The following BNC1 variants were observed in gnomAD, a reference collection of about 807,000 sequenced individuals.
BNC1 encodes the protein zinc finger protein basonuclin-1.
BNC1 carries 8 observed loss-of-function variants against 66.5 expected under a neutral mutation model. The ratio of observed to expected loss-of-function variants is 0.12; its 90% CI spans 0.07 to 0.22. The LOEUF (loss-of-function observed/expected upper bound fraction) is 0.22. Among genes scored for constraint, BNC1 ranks in the 10% least tolerant of loss-of-function variants. The pLI is 1.00. For synonymous variants in BNC1, 454 were observed against 452.6 expected, an observed-to-expected ratio of 1.00 and a Z score of -0.04; for missense variants, 1,069 against 1,241.3, an observed-to-expected ratio of 0.86 and a Z score of 2.09.
rs1168175528 is a variant in BNC1 at position 83,256,378 on chromosome 15, A to G, written c.*1064T>C. On this transcript the variant is annotated 3_prime_UTR_variant, in exon 5 of 5. Coordinates refer to ENST00000345382, the MANE Select transcript of BNC1 (RefSeq NM_001717.4). ...GAATAAGTTAAATATTAAGACATAC[A>G]ATATGGCAATAATGTCCTACTTTTT... 6.5e-6 allele frequency: 1 copy of G among 152,676 alleles called. No homozygotes were observed. The highest frequency in any genetic ancestry group is 2.4e-5 in the African/African-American group (1 of 41,468). 9.5% of individuals were successfully genotyped at this position (152,676 alleles called of 1,614,324 possible). A position where few individuals can be genotyped will look rare whatever the true frequency, so the allele number is the denominator to read the frequency against.
chr15:83,274,066 A>G (rs568352810), intron 1 of BNC1, among the ~76,000 whole-genome samples: 4 of 152,278 alleles, frequency 2.6e-5, no homozygotes, highest in Admixed American at 2.0e-4. Flanking sequence ...TGGCCCTTTG[A>G]AGGGAGTCAT....
chr15:83,258,210 C>G, intron 4 of BNC1, 84 bp from the exon 5 acceptor site: 1 of 1,386,608 alleles, frequency 7.2e-7, no homozygotes, highest in Non-Finnish European at 9.8e-7. Flanking sequence ...TTGGTAGATA[C>G]CAGGAAAAAC....
intron 1 of BNC1, among the ~76,000 whole-genome samples, chr15:83,276,777 A>G (rs1403630335): frequency 1.3e-5 from 2 of 152,216 alleles, no homozygotes; most frequent in Non-Finnish European, 2.9e-5. Flanking sequence ...GAGAAGAAAG[A>G]GTAGCAACTA....
At position 83,264,537 on chromosome 15, in the gene BNC1, G is replaced by T. The variant is rs148189910; in HGVS notation, c.714C>A (p.Ser238Arg). 1 of 1,614,052 alleles carries T rather than the reference G, an allele frequency of 6.2e-7. No homozygotes were observed. Among genetic ancestry groups the T allele is most frequent in the African/African-American group, 1.3e-5 (1 of 74,912 alleles). ...GGAAAGGCAGCATGAAAGTCATGTT[G>T]CTTATGAGGTTCTCAAAGGGGTGTA... ...SSIHPFENLI[S>R]NMTFMLPFQF... Residue 238 changes from serine (S) to arginine (R), a missense_variant, in exon 4 of 5, where the codon AGC becomes AGA. By Grantham distance (110) the Ser-to-Arg change is moderately radical. Transcript: ENST00000345382.
intron 1 of BNC1, among the ~76,000 whole-genome samples, chr15:83,281,454 A>G (rs2038378121): frequency 6.6e-6 from 1 of 152,210 alleles, no homozygotes; most frequent in African/African-American, 2.4e-5. Context: ...GTGGCTCATC[A>G]TTGAGATTTT....
intron 1 of BNC1, among the ~76,000 whole-genome samples, chr15:83,279,747 A>C (rs866247499): frequency 6.6e-6 from 1 of 152,124 alleles, no homozygotes. Context: ...TTAAAAGGAG[A>C]TGTGGGGAGC....
chr15:83,273,845 G>A (rs1173827127), intron 1 of BNC1, among the ~76,000 whole-genome samples: 2 of 152,042 alleles, frequency 1.3e-5, no homozygotes, highest in Non-Finnish European at 2.9e-5. Context: ...CACATAGTTG[G>A]GTATATACAT....
At chr15:83,261,348 T>A (rs1449299256) in intron 4 of BNC1, among the ~76,000 whole-genome samples, 2 of 152,220 alleles carry the variant, frequency 1.3e-5, no homozygotes, top group Non-Finnish European at 2.9e-5. Context: ...TATGTTCTTA[T>A]GAGCCCTGTC....
intron 1 of BNC1, among the ~76,000 whole-genome samples, chr15:83,278,115 C>T (rs1324043051): frequency 6.6e-6 from 1 of 152,172 alleles, no homozygotes; most frequent in Non-Finnish European, 1.5e-5. Flanking sequence ...CCACTAAGTC[C>T]TTTAATGTGA....
chr15:83,266,865 G>C lies in BNC1; in HGVS notation c.406C>G (p.Gln136Glu), dbSNP rs1232189723. 3.1e-6 allele frequency: 5 copies of C among 1,613,990 alleles called. No homozygotes were observed. The African/African-American group carries it at 4.0e-5, about 13-fold the overall frequency. Residue 136 changes from glutamine (Q) to glutamate (E), a missense_variant, in exon 3 of 5, where the codon CAG (glutamine) becomes GAG (glutamate). Gln to Glu is a conservative substitution (Grantham distance 29, BLOSUM62 2). Transcript: ENST00000345382. ...AGTACGTATCCACGGATATAATCCTGAAGTGTCCAGTCCAAGGCATGGAGG... is the reference window on the plus strand; with the variant it reads ...AGTACGTATCCACGGATATAATCCTCAAGTGTCCAGTCCAAGGCATGGAGG... ...QILHALDWTL[Q>E]DYIRGYVLQD...
rs542662137 is a variant in BNC1 at position 83,269,444 on chromosome 15, T to C, written c.100-1212A>G. Among the ~76,000 whole-genome samples, 62 of 152,064 alleles carry C rather than the reference T, an allele frequency of 4.1e-4. 1 individual carries two copies. In the South Asian group the frequency reaches 5.4e-3, roughly 13 times the overall value. Reference sequence around the variant, plus strand: ...TGGGAAGTGCGTGTGTGTGTGTGTGTGCGCGCGCATCTGGAGGAGGGATAA... The same window carrying C: ...TGGGAAGTGCGTGTGTGTGTGTGTGCGCGCGCGCATCTGGAGGAGGGATAA... On this transcript the variant is annotated intron_variant, in intron 1 of 4. Coordinates refer to ENST00000345382, the MANE Select transcript of BNC1 (RefSeq NM_001717.4).
rs1235281413 is a variant in BNC1 at position 83,259,438 on chromosome 15, A to G, written c.2301-1312T>C. Among the ~76,000 whole-genome samples, 6 of 152,196 alleles carry G rather than the reference A, an allele frequency of 3.9e-5. No homozygotes were observed. The South Asian group carries it at 1.2e-3, about 32-fold the overall frequency. On this transcript the variant is annotated intron_variant, in intron 4 of 4. Coordinates refer to ENST00000345382, the MANE Select transcript of BNC1 (RefSeq NM_001717.4). ...GGGAAGCTTACTTATGTTTTATAAAATGTACAAAATTTACTGTTCAACTTC... is the reference window on the plus strand; with the variant it reads ...GGGAAGCTTACTTATGTTTTATAAAGTGTACAAAATTTACTGTTCAACTTC...
At chr15:83,283,469 G>C (rs1161799958) in intron 1 of BNC1, 1 of 1,205,514 alleles carries the variant, frequency 8.3e-7, no homozygotes, top group Non-Finnish European at 1.0e-6. Flanking sequence ...GGGCGCTCCC[G>C]AGACGGGCGA....
intron 1 of BNC1, among the ~76,000 whole-genome samples, chr15:83,280,554 A>G (rs1242705020): frequency 1.3e-5 from 2 of 152,224 alleles, no homozygotes; most frequent in East Asian, 3.8e-4. Flanking sequence ...CTAAGTTTTT[A>G]AAAAGAAAAG....
At chr15:83,270,100 T>C in intron 1 of BNC1, among the ~76,000 whole-genome samples, 1 of 152,212 alleles carries the variant, frequency 6.6e-6, no homozygotes, top group East Asian at 1.9e-4. Flanking sequence ...AAGTGACTGC[T>C]AGTGGGTAGT....
rs2038180619 is a variant in BNC1, at chr15:83,263,808, G to T, written c.1443C>A (p.Asn481Lys). 5 of 1,614,052 alleles carry T rather than the reference G, an allele frequency of 3.1e-6. No individual in the cohort carries two copies. The highest frequency in any genetic ancestry group is 4.2e-6 in the Non-Finnish European group (5 of 1,180,042). Residue 481 changes from asparagine (N) to lysine (K), a missense_variant, in exon 4 of 5, where the codon AAC becomes AAA. Asn to Lys is a moderately conservative substitution (Grantham distance 94). This residue lies in a region of BNC1 where 657 missense variants were observed against 715.8 expected (regional missense o/e 0.92). Coordinates refer to ENST00000345382, the MANE Select transcript of BNC1 (RefSeq NM_001717.4). ...GAAGGACTGGCTGGACTGTCTTTAG[G>T]TTGGGAAAAAGCACACCATTTTGCC... Reference protein sequence around the residue: ...NIGQNGVLFPNLKTVQPVLPF... With the variant: ...NIGQNGVLFPKLKTVQPVLPF...
At chr15:83,280,809 T>C (rs1481375081) in intron 1 of BNC1, among the ~76,000 whole-genome samples, 3 of 152,202 alleles carry the variant, frequency 2.0e-5, no homozygotes, top group African/African-American at 4.8e-5. Flanking sequence ...CAAACTAATC[T>C]AACTATATGA....
chr15:83,264,941 TG>T, intron 3 of BNC1, 126 bp from the exon 4 acceptor site: 1 of 988,554 alleles, frequency 1.0e-6, no homozygotes, highest in Non-Finnish European at 1.5e-6. Flanking sequence ...TGCAGGGCTT[TG>T]GGGAATTTAG....
intron 1 of BNC1, among the ~76,000 whole-genome samples, chr15:83,277,619 A>T (rs2038339044): frequency 6.6e-6 from 1 of 152,050 alleles, no homozygotes; most frequent in African/African-American, 2.4e-5. Flanking sequence ...AGTTTTTTCT[A>T]AGTAGTACTT....
Sources: allele counts gnomAD v4.1 joint callset (sites outside exome capture counted in the v4.1 genomes callset), GRCh38; gene constraint gnomAD v4.1.1; regional missense constraint gnomAD v4.1.1; transcripts MANE v1.5; gene names NCBI Gene and HGNC (gene_info 2026-07-23, HGNC 2026-07-21).